Variants in ZFYVE9 observed in about 807,000 individuals in gnomAD.
ZFYVE9 encodes the protein zinc finger FYVE domain-containing protein 9.
Under a neutral mutation model 126.7 loss-of-function variants are expected in ZFYVE9, and 43 were observed. That is an observed-to-expected ratio of 0.34 (90% CI 0.27 to 0.44). ZFYVE9 has a LOEUF of 0.44. Ranked by LOEUF, ZFYVE9 falls within the 20% of genes least tolerant of loss-of-function variation. The pLI, the probability that ZFYVE9 is intolerant of heterozygous loss-of-function variation, is 1.00. For synonymous variants in ZFYVE9, 521 were observed against 597.4 expected (o/e 0.87, Z 1.87); for missense variants, 1,476 against 1,697.0 (o/e 0.87, Z 2.29).
At chr1:52,284,652 T>C (rs1254070922) in intron 10 of ZFYVE9, among the ~76,000 whole-genome samples, 2 of 152,044 alleles carry the variant, frequency 1.3e-5, no homozygotes, top group East Asian at 1.9e-4. Context: ...ATTTCCTGAC[T>C]TCGTGATCCG....
At chr1:52,164,566 C>T (rs746039069) in intron 1 of ZFYVE9, among the ~76,000 whole-genome samples, 4 of 151,946 alleles carry the variant, frequency 2.6e-5, no homozygotes, top group African/African-American at 9.7e-5. Context: ...CTGTTTGCAC[C>T]GAGCCAACAA....
chr1:52,242,513 G>A (rs1645344577), intron 4 of ZFYVE9, among the ~76,000 whole-genome samples: 1 of 151,964 alleles, frequency 6.6e-6, no homozygotes, highest in Non-Finnish European at 1.5e-5. Context: ...TAAACAATAA[G>A]TGAATACTGT....
intron 1 of ZFYVE9, among the ~76,000 whole-genome samples, chr1:52,198,688 G>GCATA (rs1163974947): frequency 9.9e-5 from 15 of 152,112 alleles, no homozygotes; most frequent in African/African-American, 2.9e-4. Flanking sequence ...GATCAGTAGT[G>GCATA]ATTCATAACG....
intron 13 of ZFYVE9, among the ~76,000 whole-genome samples, chr1:52,306,963 T>C (rs893960417): frequency 6.6e-6 from 1 of 152,102 alleles, no homozygotes; most frequent in Admixed American, 6.5e-5. Context: ...AGGCTGGTAG[T>C]GTAAGCCTAG....
At chr1:52,202,816 G>T (rs1644936471) in intron 1 of ZFYVE9, among the ~76,000 whole-genome samples, 1 of 151,632 alleles carries the variant, frequency 6.6e-6, no homozygotes, top group African/African-American at 2.4e-5. Context: ...CTCCTGAGTA[G>T]CTGGAATTAC....
At chr1:52,184,196 A>G (rs987087675) in intron 1 of ZFYVE9, among the ~76,000 whole-genome samples, 5 of 144,342 alleles carry the variant, frequency 3.5e-5, no homozygotes, top group African/African-American at 1.0e-4. Flanking sequence ...GACAAGTGTC[A>G]TTATATATAT....
At chr1:52,247,037 C>T (rs1645393451) in intron 4 of ZFYVE9, among the ~76,000 whole-genome samples, 1 of 152,084 alleles carries the variant, frequency 6.6e-6, no homozygotes, top group Non-Finnish European at 1.5e-5. Context: ...TAATGTTGCC[C>T]AGGCTGGTCT....
chr1:52,145,673 C>G (rs1342728782), intron 1 of ZFYVE9, among the ~76,000 whole-genome samples: 4 of 152,062 alleles, frequency 2.6e-5, no homozygotes, highest in Non-Finnish European at 5.9e-5. Flanking sequence ...AGGAGGTGCT[C>G]AATAAATGTA....
chr1:52,284,847 A>G (rs1645842842), intron 10 of ZFYVE9, among the ~76,000 whole-genome samples: 1 of 152,218 alleles, frequency 6.6e-6, no homozygotes, highest in South Asian at 2.1e-4. Context: ...AGGTCAGACT[A>G]TAATACATCT....
At chr1:52,278,376 A>G (rs914238984) in intron 8 of ZFYVE9, 116 bp from the exon 9 acceptor site, 2 of 1,339,288 alleles carry the variant, frequency 1.5e-6, no homozygotes, top group Non-Finnish European at 2.1e-6. Flanking sequence ...GTATGCACCT[A>G]TTGATAAATC....
chr1:52,185,197 T>C (rs764545713), intron 1 of ZFYVE9, among the ~76,000 whole-genome samples: 2 of 152,192 alleles, frequency 1.3e-5, no homozygotes, highest in South Asian at 2.1e-4. Flanking sequence ...AGCTTTTTCA[T>C]TGAAGAGGGA....
intron 13 of ZFYVE9, among the ~76,000 whole-genome samples, chr1:52,322,200 A>G (rs1463044209): frequency 1.3e-5 from 2 of 152,154 alleles, no homozygotes; most frequent in African/African-American, 4.8e-5. Context: ...CTTGATAGAC[A>G]AATCTATCAG....
At position 52,238,856 on chromosome 1, in the gene ZFYVE9, C is replaced by T; in HGVS notation, c.1439C>T (p.Ser480Phe). 1 of 1,614,074 alleles carries T rather than the reference C, an allele frequency of 6.2e-7. No individual in the cohort carries two copies. The highest frequency in any genetic ancestry group is 1.1e-5 in the South Asian group (1 of 91,070). Reference sequence around the variant, plus strand: ...AATTATCTATCTAATGGTTGTGATTCCTATGGAATGCAAGACCCAGGTGTT... The same window carrying T: ...AATTATCTATCTAATGGTTGTGATTTCTATGGAATGCAAGACCCAGGTGTT... The part of the protein sequence containing the change: ...AANYLSNGCD[S>F]YGMQDPGVSF... The change falls in exon 4 of 19, where the codon TCC becomes TTC. Residue 480 changes from serine (S) to phenylalanine (F), a missense_variant. Ser to Phe is a radical substitution (Grantham distance 155). Around this residue, in one of 2 missense-constraint regions of ZFYVE9, gnomAD observed 807 missense variants for 794.6 expected, o/e 1.02. Coordinates refer to ENST00000287727, the MANE Select transcript of ZFYVE9 (RefSeq NM_004799.4).
chr1:52,272,772 C>A (rs1029606091), intron 7 of ZFYVE9, among the ~76,000 whole-genome samples: 10 of 149,262 alleles, frequency 6.7e-5, no homozygotes, highest in African/African-American at 2.5e-4. Context: ...CAGGTTCAAG[C>A]AATTCTCCTG....
intron 10 of ZFYVE9, among the ~76,000 whole-genome samples, chr1:52,283,198 G>C (rs1645821785): frequency 6.6e-6 from 1 of 152,162 alleles, no homozygotes; most frequent in Admixed American, 6.5e-5. Flanking sequence ...TCCTCAATCT[G>C]AATGTATTCA....
At chr1:52,217,206 C>CT (rs1645079838) in intron 2 of ZFYVE9, among the ~76,000 whole-genome samples, 1 of 152,146 alleles carries the variant, frequency 6.6e-6, no homozygotes, top group Admixed American at 6.6e-5. Flanking sequence ...TATCTTTTCC[C>CT]TATTGGCTAG....
chr1:52,178,051 G>A (rs960041500), intron 1 of ZFYVE9, among the ~76,000 whole-genome samples: 4 of 151,456 alleles, frequency 2.6e-5, no homozygotes, highest in South Asian at 2.1e-4. Flanking sequence ...AGGCCGAGGC[G>A]GGTAGATCAC....
intron 1 of ZFYVE9, among the ~76,000 whole-genome samples, chr1:52,151,940 A>C (rs1346890904): frequency 6.6e-6 from 1 of 152,158 alleles, no homozygotes; most frequent in East Asian, 1.9e-4. Context: ...TTAGTATTCT[A>C]AAGACTGAGG....
intron 2 of ZFYVE9, among the ~76,000 whole-genome samples, chr1:52,231,716 C>T (rs78768218): frequency 4.6e-5 from 7 of 151,918 alleles, no homozygotes; most frequent in Admixed American, 1.3e-4. Flanking sequence ...CTCCACCTCC[C>T]GGGTTCAAGT....
Sources: gnomAD v4.1 joint callset for allele counts (sites outside exome capture counted in the v4.1 genomes callset) on GRCh38, gnomAD v4.1.1 for gene constraint, gnomAD v4.1.1 regional missense constraint, MANE v1.5 for transcripts, NCBI Gene and HGNC (gene_info 2026-07-23, HGNC 2026-07-21) for gene names.